Variants in SCARA3 observed in about 807,000 individuals in gnomAD.
The protein encoded by SCARA3 is cellular stress response gene protein.
SCARA3 carries 39 observed loss-of-function variants against 47.0 expected under a neutral mutation model. The ratio of observed to expected loss-of-function variants is 0.83; its 90% confidence interval spans 0.64 to 1.08. SCARA3 has a LOEUF of 1.08. SCARA3 is among the 50% of genes least tolerant of loss of function. The pLI is 0.00. For synonymous variants in SCARA3, 356 were observed against 334.1 expected, an observed-to-expected ratio of 1.07 and a Z score of -0.71; for missense variants, 724 against 792.3, an observed-to-expected ratio of 0.91 and a Z score of 1.04.
chr8:27,699,011 G>A, the SCARA3 span, among the ~76,000 whole-genome samples: 17 of 151,906 alleles, frequency 1.1e-4, no homozygotes, highest in East Asian at 2.5e-3. Flanking sequence ...CTGGGAGGCC[G>A]AGGCAGGTGG....
chr8:27,673,491 G>C (rs1185487497), downstream of SCARA3, among the ~76,000 whole-genome samples: 1 of 152,260 alleles, frequency 6.6e-6, no homozygotes, highest in Non-Finnish European at 1.5e-5. Flanking sequence ...CTCACTCACT[G>C]GCAAAATGTG....
At chr8:27,709,969 G>C in the SCARA3 span, among the ~76,000 whole-genome samples, 47 of 152,264 alleles carry the variant, frequency 3.1e-4, 1 homozygote, top group African/African-American at 1.1e-3. Context: ...AGACGCTGAC[G>C]CCTGTAATCT....
At chr8:27,657,443 AAT>A (rs2128920280) in intron 4 of SCARA3, among the ~76,000 whole-genome samples, 1 of 145,962 alleles carries the variant, frequency 6.9e-6, no homozygotes, top group Admixed American at 6.9e-5. Flanking sequence ...CCAGGTACCC[AAT>A]AGGTGGTTTT....
At chr8:27,669,445 C>T (rs1802095936) in intron 5 of SCARA3, among the ~76,000 whole-genome samples, 1 of 152,208 alleles carries the variant, frequency 6.6e-6, no homozygotes, top group African/African-American at 2.4e-5. Context: ...GGAGGTGGCT[C>T]CTGCACAGGC....
intron 3 of SCARA3, among the ~76,000 whole-genome samples, chr8:27,654,841 G>T (rs1801710775): frequency 6.6e-6 from 1 of 151,964 alleles, no homozygotes; most frequent in Non-Finnish European, 1.5e-5. Context: ...ACAGGTGAAT[G>T]AATTATATGG....
rs572666814 is a variant in SCARA3 at position 27,671,634 on chromosome 8, A to G, written c.*283A>G. 1.6e-4 allele frequency: 182 copies of G among 1,153,704 alleles called. No individual in the cohort carries two copies. In the African/African-American group the frequency reaches 2.7e-3, roughly 17 times the overall value. 71.5% of individuals were successfully genotyped at this position (1,153,704 alleles called of 1,614,324 possible). A position where few individuals can be genotyped will look rare whatever the true frequency, so the allele number is the denominator to read the frequency against. On this transcript the variant is annotated 3_prime_UTR_variant, in exon 6 of 6. Transcript: ENST00000301904. ...CATGCATGCACACATACACAGGCATACATGCATGCACACACACATGCACGC... is the reference window on the plus strand; with the variant it reads ...CATGCATGCACACATACACAGGCATGCATGCATGCACACACACATGCACGC...
intron 4 of SCARA3, among the ~76,000 whole-genome samples, chr8:27,657,899 T>A (rs35836261): frequency 3.9e-5 from 6 of 152,298 alleles, no homozygotes; most frequent in African/African-American, 1.2e-4. Context: ...TTTGGTTTTC[T>A]GTTCTTCTGT....
intron 1 of SCARA3, among the ~76,000 whole-genome samples, chr8:27,634,550 G>A (rs907993529): frequency 6.6e-6 from 1 of 152,212 alleles, no homozygotes; most frequent in Non-Finnish European, 1.5e-5. Context: ...CTTTCCAGCA[G>A]TGTAAATTTC....
At chr8:27,635,662 C>T (rs902228126) in intron 1 of SCARA3, among the ~76,000 whole-genome samples, 2 of 150,936 alleles carry the variant, frequency 1.3e-5, no homozygotes, top group Admixed American at 1.3e-4. Flanking sequence ...TATTATATTG[C>T]CCAGGTTGGT....
intron 5 of SCARA3, among the ~76,000 whole-genome samples, chr8:27,663,113 C>T (rs1302410285): frequency 1.3e-5 from 2 of 152,236 alleles, no homozygotes; most frequent in Non-Finnish European, 2.9e-5. Flanking sequence ...GCCCATGGAT[C>T]AGTACATAGT....
At chr8:27,733,003 A>T in the SCARA3 span, among the ~76,000 whole-genome samples, 1 of 152,008 alleles carries the variant, frequency 6.6e-6, no homozygotes, top group Non-Finnish European at 1.5e-5. Flanking sequence ...GCCTTGGCCA[A>T]AATTTCAGGC....
At chr8:27,638,372 C>T (rs1801305047) in intron 1 of SCARA3, among the ~76,000 whole-genome samples, 1 of 150,882 alleles carries the variant, frequency 6.6e-6, no homozygotes, top group Non-Finnish European at 1.5e-5. Flanking sequence ...CAAGGTCAGG[C>T]CCAGCCCTGT....
chr8:27,634,764 G>A (rs1485363985), intron 1 of SCARA3, among the ~76,000 whole-genome samples: 1 of 152,206 alleles, frequency 6.6e-6, no homozygotes, highest in Non-Finnish European at 1.5e-5. Context: ...GGAAGCCGCC[G>A]GGGAAGCCCC....
In SCARA3 at chr8:27,649,815, G is replaced by A. The variant is rs372187413; in HGVS notation, c.106+15G>A. The A allele has an allele frequency of 1.2e-6, 2 of 1,602,574 alleles. No individual in the cohort carries two copies. Among genetic ancestry groups the A allele is most frequent in the Non-Finnish European group, 1.7e-6 (2 of 1,170,780 alleles). ...CACCCAGAAGGGTAAGGACTCTGGG[G>A]CTGCCCCTGATCTCCGCTCTGGGCT... On this transcript the variant is annotated intron_variant, in intron 2 of 5. Coordinates refer to ENST00000301904, the MANE Select transcript of SCARA3 (RefSeq NM_016240.3).
chr8:27,721,962 G>A, the SCARA3 span, among the ~76,000 whole-genome samples: 2 of 152,198 alleles, frequency 1.3e-5, no homozygotes, highest in Non-Finnish European at 2.9e-5. Flanking sequence ...GGAGGCATGC[G>A]CCTGTGGTCC....
chr8:27,707,711 A>C, the SCARA3 span, among the ~76,000 whole-genome samples: 2 of 152,018 alleles, frequency 1.3e-5, no homozygotes. Context: ...CACTGAATTA[A>C]AAGAACCTGC....
intron 1 of SCARA3, among the ~76,000 whole-genome samples, chr8:27,647,620 G>A (rs777894535): frequency 6.6e-5 from 10 of 152,338 alleles, no homozygotes; most frequent in Non-Finnish European, 1.0e-4. Flanking sequence ...GAACTGAAGC[G>A]CTGGGGAAGA....
chr8:27,708,411 G>A, the SCARA3 span, among the ~76,000 whole-genome samples: 5 of 152,094 alleles, frequency 3.3e-5, no homozygotes, highest in African/African-American at 1.2e-4. Context: ...TGTAAACCCT[G>A]ACTGCTAACT....
chr8:27,651,115 T>C (rs1801622550), intron 2 of SCARA3, among the ~76,000 whole-genome samples: 1 of 152,214 alleles, frequency 6.6e-6, no homozygotes, highest in Non-Finnish European at 1.5e-5. Context: ...CTTTCAGTGC[T>C]AAAACCCAGA....
Sources: gnomAD v4.1 joint callset for allele counts (sites outside exome capture counted in the v4.1 genomes callset) on GRCh38, gnomAD v4.1.1 for gene constraint, MANE v1.5 for transcripts, NCBI Gene and HGNC (gene_info 2026-07-23, HGNC 2026-07-21) for gene names.